Variants in VAT1L observed in about 807,000 individuals in gnomAD.
VAT1L encodes the protein putative NADPH-dependent quinone oxidoreductase VAT1L.
In VAT1L, 34 loss-of-function variants were observed where a neutral mutation model predicts 44.1. The ratio of observed to expected loss-of-function variants is 0.77; its 90% CI spans 0.59 to 1.03. The LOEUF (loss-of-function observed/expected upper bound fraction) is 1.03. VAT1L is among the 50% of genes least tolerant of loss of function. The pLI is 0.00. For missense variants in VAT1L, 615 were observed against 538.8 expected (o/e 1.14, Z -1.40); for synonymous variants, 253 against 202.2 (o/e 1.25, Z -2.13).
At chr16:77,867,260 G>A (rs868801383) in intron 4 of VAT1L, among the ~76,000 whole-genome samples, 10 of 152,090 alleles carry the variant, frequency 6.6e-5, no homozygotes, top group South Asian at 6.2e-4. Context: ...TGTTCATTAC[G>A]TGGACGGTGA....
intron 3 of VAT1L, among the ~76,000 whole-genome samples, chr16:77,849,555 C>T (rs1000872313): frequency 2.6e-5 from 4 of 152,128 alleles, no homozygotes; most frequent in Admixed American, 6.5e-5. Context: ...TTACTACACT[C>T]GCAAAGAAAG....
At chr16:77,862,392 A>G (rs1040274000) in intron 3 of VAT1L, among the ~76,000 whole-genome samples, 2 of 152,108 alleles carry the variant, frequency 1.3e-5, no homozygotes, top group South Asian at 4.1e-4. Flanking sequence ...AGGCGGGTGG[A>G]TTACCTGAGC....
chr16:77,854,955 G>C (rs2016843211), intron 3 of VAT1L, among the ~76,000 whole-genome samples: 1 of 152,084 alleles, frequency 6.6e-6, no homozygotes, highest in Admixed American at 6.6e-5. Context: ...CAAATACACT[G>C]TTTTTGGCCC....
intron 8 of VAT1L, among the ~76,000 whole-genome samples, chr16:77,974,570 C>A (rs2018315401): frequency 6.6e-6 from 1 of 152,076 alleles, no homozygotes; most frequent in Non-Finnish European, 1.5e-5. Context: ...CCTCCTGAAG[C>A]CTTCTTTTTT....
chr16:77,965,981 C>A (rs1300738577), intron 7 of VAT1L, among the ~76,000 whole-genome samples: 1 of 152,106 alleles, frequency 6.6e-6, no homozygotes, highest in Non-Finnish European at 1.5e-5. Context: ...AAGTGTGGCT[C>A]ATCTGAATTG....
intron 7 of VAT1L, among the ~76,000 whole-genome samples, chr16:77,939,698 A>G (rs1003360072): frequency 5.9e-5 from 9 of 152,176 alleles, no homozygotes; most frequent in Non-Finnish European, 1.2e-4. Flanking sequence ...AATAAAATAG[A>G]CAGTAGTGAC....
Position 77,825,172 on chromosome 16 carries a change from C to T in VAT1L, c.364-74C>T. The stretch of plus-strand genomic sequence containing the variant: ...ATGAGCCACAGCGCCTGGCCAGCTC[C>T]CAGTAATTCTGTTCTCTCCTTGAGC... On this transcript the variant is annotated intron_variant, in intron 2 of 8. Coordinates refer to ENST00000302536, the MANE Select transcript of VAT1L (RefSeq NM_020927.3). The T allele has an allele frequency of 2.6e-6, 4 of 1,548,976 alleles. No homozygotes were observed. In the South Asian group the frequency reaches 4.5e-5, roughly 17 times the overall value.
chr16:77,947,505 C>T (rs1182143153), intron 7 of VAT1L, among the ~76,000 whole-genome samples: 6 of 152,146 alleles, frequency 3.9e-5, no homozygotes, highest in African/African-American at 1.4e-4. Flanking sequence ...ATCCAGGGCC[C>T]ACTGGCCAAT....
rs114915322 is a variant in VAT1L, at chr16:77,951,211, C to T, written c.1078-20639C>T. ...AATGGGAGCTCTTCAGTACAACTTG[C>T]AGGGAACAGCAGCAAAGTGGAAGGG... On this transcript the variant is annotated intron_variant, in intron 7 of 8. Transcript: ENST00000302536. Among the ~76,000 whole-genome samples, 1,312 of 152,276 alleles carry T rather than the reference C, an allele frequency of 8.6e-3. 17 individuals carry two copies. Among genetic ancestry groups the T allele is most frequent in the African/African-American group, 0.03 (1,243 of 41,552 alleles).
chr16:77,979,108 G>A lies in VAT1L; in HGVS notation c.*1413G>A, dbSNP rs999766701. On this transcript the variant is annotated 3_prime_UTR_variant, in exon 9 of 9. Coordinates refer to ENST00000302536, the MANE Select transcript of VAT1L (RefSeq NM_020927.3). ...ACCCAACCCTTTCCGCAAGTGGTAG[G>A]AACGAATGCATCTTAGCAATTACCT... is the stretch of plus-strand genomic sequence containing the variant. The A allele has an allele frequency of 2.0e-5, 3 of 152,596 alleles. No individual in the cohort carries two copies. The highest frequency in any genetic ancestry group is 6.5e-5 in the Admixed American group (1 of 15,268). The allele number at this position is 152,596 out of a possible 1,614,324, so 9.5% of individuals were successfully genotyped here. A position where few individuals can be genotyped will look rare whatever the true frequency, so the allele number is the denominator to read the frequency against.
chr16:77,840,879 G>T (rs1005324240), intron 3 of VAT1L, among the ~76,000 whole-genome samples: 1 of 152,138 alleles, frequency 6.6e-6, no homozygotes, highest in African/African-American at 2.4e-5. Context: ...TTTAACTGTG[G>T]TATTGGAAAT....
At position 77,862,731 on chromosome 16, in the gene VAT1L, T is replaced by C; in HGVS notation, c.580-17T>C. The C allele has an allele frequency of 6.2e-7, 1 of 1,612,150 alleles. No individual in the cohort carries two copies. The highest frequency in any genetic ancestry group is 8.5e-7 in the Non-Finnish European group (1 of 1,179,120). ...GTGGCTCCTATGTGTGACATAGCTATTGTCTTTTCCTTCCAGGGTCAAGCT... is the reference window on the plus strand; with the variant it reads ...GTGGCTCCTATGTGTGACATAGCTACTGTCTTTTCCTTCCAGGGTCAAGCT... On this transcript the variant is annotated splice_polypyrimidine_tract_variant and intron_variant, in intron 3 of 8. Coordinates refer to ENST00000302536, the MANE Select transcript of VAT1L (RefSeq NM_020927.3).
chr16:77,963,571 A>G (rs952123689), intron 7 of VAT1L, among the ~76,000 whole-genome samples: 1 of 152,038 alleles, frequency 6.6e-6, no homozygotes, highest in Non-Finnish European at 1.5e-5. Flanking sequence ...GTCATCTGTT[A>G]CAGTAATAAT....
At chr16:77,938,331 T>C (rs1277063878) in intron 7 of VAT1L, among the ~76,000 whole-genome samples, 2 of 152,250 alleles carry the variant, frequency 1.3e-5, no homozygotes, top group African/African-American at 4.8e-5. Flanking sequence ...ACTTGGGATA[T>C]ACCTATAAAC....
intron 7 of VAT1L, among the ~76,000 whole-genome samples, chr16:77,966,993 C>T (rs1413012782): frequency 6.6e-6 from 1 of 150,552 alleles, no homozygotes; most frequent in Non-Finnish European, 1.5e-5. Flanking sequence ...GAAGACAAGT[C>T]TCCCACGTGC....
In VAT1L at chr16:77,879,630, A is replaced by G. The variant is rs900747164; in HGVS notation, c.882+406A>G. Reference sequence around the variant, plus strand: ...GGCATTGACTTAATCTTGTCTTTCAATTTCCTCGTTCATTTCCCATAAAAC... The same window carrying G: ...GGCATTGACTTAATCTTGTCTTTCAGTTTCCTCGTTCATTTCCCATAAAAC... On this transcript the variant is annotated intron_variant, in intron 6 of 8. Transcript: ENST00000302536. The surrounding 1 kb of genome is among the most constrained non-coding windows in gnomAD (Gnocchi z 4.1). Among the ~76,000 whole-genome samples the G allele has an allele frequency of 2.0e-5, 3 of 152,142 alleles. No individual in the cohort carries two copies. Among genetic ancestry groups the G allele is most frequent in the Non-Finnish European group, 4.4e-5 (3 of 68,036 alleles).
intron 7 of VAT1L, among the ~76,000 whole-genome samples, chr16:77,923,748 A>G (rs17775218): frequency 0.09 from 13,740 of 152,236 alleles, 951 homozygotes; most frequent in East Asian, 0.34. Context: ...GGCTTCACAC[A>G]GTTTTTGAAA....
chr16:77,916,277 G>C (rs901016059), intron 7 of VAT1L, among the ~76,000 whole-genome samples: 12 of 152,162 alleles, frequency 7.9e-5, no homozygotes, highest in Non-Finnish European at 1.6e-4. Context: ...CCTTGGAAAT[G>C]CTGCCTCCTC....
rs2016587007 is a variant in VAT1L at position 77,832,141 on chromosome 16, T to C, written c.579+6680T>C. Among the ~76,000 whole-genome samples, 3 of 152,136 alleles carry C rather than the reference T, an allele frequency of 2.0e-5. No individual in the cohort carries two copies. The East Asian group carries it at 5.8e-4, about 29-fold the overall frequency. On this transcript the variant is annotated intron_variant, in intron 3 of 8. Coordinates refer to ENST00000302536, the MANE Select transcript of VAT1L (RefSeq NM_020927.3). Reference sequence around the variant, plus strand: ...CCGTGCGCAGCCCCAGTGTTGTTTCTTTAGTTTTGATGTGTACCATAGCAA... The same window carrying C: ...CCGTGCGCAGCCCCAGTGTTGTTTCCTTAGTTTTGATGTGTACCATAGCAA...
Sources: gnomAD v4.1 joint callset for allele counts (sites outside exome capture counted in the v4.1 genomes callset) on GRCh38, gnomAD v4.1.1 for gene constraint, Gnocchi (gnomAD v3.1) non-coding constraint, MANE v1.5 for transcripts, NCBI Gene and HGNC (gene_info 2026-07-23, HGNC 2026-07-21) for gene names.